Variants in CRACR2A observed in about 807,000 individuals in gnomAD.
CRACR2A encodes EF-hand calcium-binding domain-containing protein 4B.
CRACR2A carries 79 observed loss-of-function variants against 90.5 expected under a neutral mutation model. The ratio of observed to expected loss-of-function variants is 0.87; its 90% CI spans 0.73 to 1.05. The LOEUF (loss-of-function observed/expected upper bound fraction) is 1.05. Among genes scored for constraint, CRACR2A ranks in the 50% least tolerant of loss-of-function variants. The pLI is 0.00. For missense variants in CRACR2A, 823 were observed against 897.2 expected (o/e 0.92, Z 1.06); for synonymous variants, 338 against 356.7 (o/e 0.95, Z 0.59).
At chr12:3,671,930 T>C (rs775932808) in intron 7 of CRACR2A, among the ~76,000 whole-genome samples, 1 of 152,226 alleles carries the variant, frequency 6.6e-6, no homozygotes, top group Non-Finnish European at 1.5e-5. Context: ...TTGTCCTAAG[T>C]TGCACAGCTA....
At chr12:3,647,468 T>C (rs1406501773) in intron 11 of CRACR2A, among the ~76,000 whole-genome samples, 1 of 152,212 alleles carries the variant, frequency 6.6e-6, no homozygotes, top group East Asian at 1.9e-4. Flanking sequence ...TTTCATTTTT[T>C]TCTAAATGCA....
chr12:3,625,758 G>A (rs1307713014), intron 17 of CRACR2A, among the ~76,000 whole-genome samples: 4 of 151,602 alleles, frequency 2.6e-5, no homozygotes, highest in South Asian at 2.1e-4. Flanking sequence ...TTCCCTTGCC[G>A]CTCCCCAATC....
chr12:3,616,919 A>G (rs182205274), intron 19 of CRACR2A, 35 bp downstream of exon 19: 20 of 1,495,090 alleles, frequency 1.3e-5, no homozygotes, highest in Middle Eastern at 3.4e-4. Flanking sequence ...AGCTGGACAC[A>G]GCAGTTACTG....
intron 4 of CRACR2A, among the ~76,000 whole-genome samples, chr12:3,693,137 T>C (rs1413623208): frequency 6.6e-6 from 1 of 152,226 alleles, no homozygotes; most frequent in Non-Finnish European, 1.5e-5. Flanking sequence ...TGCACACACA[T>C]GCACCGGCAA....
chr12:3,670,240 A>C (rs1945216438), intron 7 of CRACR2A, among the ~76,000 whole-genome samples: 1 of 152,156 alleles, frequency 6.6e-6, no homozygotes, highest in Non-Finnish European at 1.5e-5. Context: ...TGTCATCCCC[A>C]GCTTCTGGGA....
At chr12:3,681,058 T>G (rs1213206260) in intron 4 of CRACR2A, among the ~76,000 whole-genome samples, 1 of 150,942 alleles carries the variant, frequency 6.6e-6, no homozygotes, top group East Asian at 1.9e-4. Flanking sequence ...ACGATGCGGG[T>G]GCGGGTCACT....
chr12:3,619,090 A>G (rs1220099365), intron 18 of CRACR2A, among the ~76,000 whole-genome samples, 181 bp downstream of exon 18: 2 of 152,172 alleles, frequency 1.3e-5, no homozygotes, highest in African/African-American at 4.8e-5. Context: ...GTGGCTTTCT[A>G]TGCAAAGTTC....
At chr12:3,635,664 C>G (rs180935716) in intron 14 of CRACR2A, among the ~76,000 whole-genome samples, 4 of 152,204 alleles carry the variant, frequency 2.6e-5, no homozygotes, top group Admixed American at 2.6e-4. Flanking sequence ...CATCAACACG[C>G]CTGGCTAATT....
chr12:3,698,429 C>A (rs1052449782), intron 3 of CRACR2A, among the ~76,000 whole-genome samples: 2 of 152,180 alleles, frequency 1.3e-5, no homozygotes, highest in Non-Finnish European at 2.9e-5. Context: ...ATGTCCAGAG[C>A]AATGTAAAAT....
At chr12:3,660,829 A>AACACACACACAC (rs58293233) in intron 7 of CRACR2A, among the ~76,000 whole-genome samples, 6 of 119,624 alleles carry the variant, frequency 5.0e-5, no homozygotes, top group South Asian at 3.3e-4. Context: ...CTGAACATGC[A>AACACACACACAC]ACACACACAC....
intron 6 of CRACR2A, among the ~76,000 whole-genome samples, chr12:3,677,812 G>A (rs750439026): frequency 6.6e-6 from 1 of 152,168 alleles, no homozygotes; most frequent in Non-Finnish European, 1.5e-5. Flanking sequence ...CACTTCCTGT[G>A]TAGCGCCCCC....
intron 17 of CRACR2A, among the ~76,000 whole-genome samples, chr12:3,624,183 T>A (rs1944211331): frequency 6.6e-6 from 1 of 152,200 alleles, no homozygotes; most frequent in South Asian, 2.1e-4. Flanking sequence ...AAGCCCTTTT[T>A]TCTTGTATGC....
At position 3,633,503 on chromosome 12, in the gene CRACR2A, C is replaced by A. The variant is rs1025826934; in HGVS notation, c.1735+101G>T. On this transcript the variant is annotated intron_variant, in intron 15 of 19. Coordinates refer to ENST00000440314, the MANE Select transcript of CRACR2A (RefSeq NM_001144958.2). The surrounding 1 kb of genome is among the most constrained non-coding windows in gnomAD (Gnocchi z 4.5). ...TATCCCTACTGGCCAATCCCCATGG[C>A]CCTTCCCATGGGCTTCTAACGCTCC... 6.8e-7 allele frequency: 1 copy of A among 1,464,440 alleles called. No homozygotes were observed. Among genetic ancestry groups the A allele is most frequent in the Non-Finnish European group, 9.2e-7 (1 of 1,081,536 alleles). The allele number at this position is 1,464,440 out of a possible 1,614,324, so 90.7% of individuals were successfully genotyped here.
chr12:3,639,001 T>G (rs1351204581), intron 13 of CRACR2A, among the ~76,000 whole-genome samples: 1 of 151,914 alleles, frequency 6.6e-6, no homozygotes, highest in Non-Finnish European at 1.5e-5. Context: ...ACGTGGCCCA[T>G]CTGCTCTATT....
At position 3,628,491 on chromosome 12, in the gene CRACR2A, G is replaced by T. The variant is rs544374634; in HGVS notation, c.1736-785C>A. 4.6e-5 allele frequency among the ~76,000 whole-genome samples: 7 copies of T among 152,300 alleles called. No homozygotes were observed. The East Asian group carries it at 1.4e-3, about 30-fold the overall frequency. On this transcript the variant is annotated intron_variant, in intron 15 of 19. Transcript: ENST00000440314. Reference sequence around the variant, plus strand: ...GAGCTCCTAATCCTACCACTGGGCTGTTCACAACCATCTCTCCAGGGGTGT... The same window carrying T: ...GAGCTCCTAATCCTACCACTGGGCTTTTCACAACCATCTCTCCAGGGGTGT...
chr12:3,703,600 C>T (rs1021110311), intron 3 of CRACR2A, among the ~76,000 whole-genome samples: 6 of 152,106 alleles, frequency 3.9e-5, no homozygotes, highest in African/African-American at 7.2e-5. Context: ...GAAACATCTG[C>T]TCTTTGAAAG....
At chr12:3,736,221 G>C (rs186558110) in intron 1 of CRACR2A, among the ~76,000 whole-genome samples, 113 of 151,988 alleles carry the variant, frequency 7.4e-4, no homozygotes, top group African/African-American at 2.6e-3. Flanking sequence ...CTGCACTAAG[G>C]CGGTGGCAGT....
intron 1 of CRACR2A, among the ~76,000 whole-genome samples, chr12:3,744,596 G>A (rs1946580350): frequency 6.6e-6 from 1 of 152,226 alleles, no homozygotes; most frequent in Non-Finnish European, 1.5e-5. Flanking sequence ...GGACCCTGGG[G>A]AGAAATATGC....
intron 7 of CRACR2A, among the ~76,000 whole-genome samples, chr12:3,666,095 G>C (rs561711447): frequency 5.1e-4 from 78 of 152,184 alleles, no homozygotes; most frequent in South Asian, 1.7e-3. Flanking sequence ...TGGGGAGGAG[G>C]GGGGAGTTAT....
Sources: gnomAD v4.1 joint callset for allele counts (sites outside exome capture counted in the v4.1 genomes callset) on GRCh38, gnomAD v4.1.1 for gene constraint, Gnocchi (gnomAD v3.1) non-coding constraint, MANE v1.5 for transcripts, NCBI Gene and HGNC (gene_info 2026-07-23, HGNC 2026-07-21) for gene names.